The following PCM1 variants were observed in gnomAD, a reference collection of about 807,000 sequenced individuals.
PCM1 encodes the protein pericentriolar material 1 protein.
Under a neutral mutation model 241.9 loss-of-function variants are expected in PCM1, and 157 were observed. That is an observed-to-expected ratio of 0.65 (90% CI 0.57 to 0.74). The LOEUF (loss-of-function observed/expected upper bound fraction) is 0.74. Ranked by LOEUF, PCM1 falls within the 30% of genes least tolerant of loss-of-function variation. The pLI, the probability that PCM1 is intolerant of heterozygous loss-of-function variation, is 0.00. For missense variants in PCM1, 3,478 were observed against 2,360.1 expected, an observed-to-expected ratio of 1.47 and a Z score of -9.81; for synonymous variants, 1,085 against 784.9, an observed-to-expected ratio of 1.38 and a Z score of -6.39.
intron 25 of PCM1, 41 bp downstream of exon 25, chr8:17,985,660 C>T: frequency 3.5e-6 from 5 of 1,436,532 alleles, no homozygotes; most frequent in Non-Finnish European, 4.8e-6. Context: ...CCTATTATCA[C>T]CTTCTTCATG....
rs375582106 is a variant in PCM1 at position 17,989,778 on chromosome 8, ATACT to A, written c.4411-78_4411-75del. On this transcript the variant is annotated intron_variant, in intron 26 of 38. Coordinates refer to ENST00000325083, the MANE Select transcript of PCM1 (RefSeq NM_006197.4). Reference sequence around the variant, plus strand: ...CTTTTAAGTGTACAATTTTATGTAAATACTTAGTTATCTCTGTTAGATTATTAAT... The same window carrying A: ...CTTTTAAGTGTACAATTTTATGTAAATAGTTATCTCTGTTAGATTATTAAT... The A allele has an allele frequency of 7.5e-4, 725 of 967,298 alleles. 3 individuals are homozygous for A. The African/African-American group carries it at 9.1e-3, about 12-fold the overall frequency. The allele number at this position is 967,298 out of a possible 1,614,324, so 59.9% of individuals were successfully genotyped here. A position where few individuals can be genotyped will look rare whatever the true frequency, so the allele number is the denominator to read the frequency against.
intron 6 of PCM1, among the ~76,000 whole-genome samples, chr8:17,946,831 C>CTG (rs1563787560): frequency 9.3e-6 from 1 of 107,396 alleles, no homozygotes; most frequent in African/African-American, 4.8e-5. Flanking sequence ...CTAGATTCTT[C>CTG]AGTGTGTGTG....
chr8:17,977,387 TAG>T (rs1019272708), intron 23 of PCM1, among the ~76,000 whole-genome samples: 1 of 152,116 alleles, frequency 6.6e-6, no homozygotes, highest in African/African-American at 2.4e-5. Flanking sequence ...GCCTTGGAAA[TAG>T]AGAGGGAGGG....
intron 36 of PCM1, among the ~76,000 whole-genome samples, chr8:18,017,895 A>G (rs2093375146): frequency 6.6e-6 from 1 of 152,172 alleles, no homozygotes; most frequent in Non-Finnish European, 1.5e-5. Context: ...GAAGACAATA[A>G]TCAACACCAA....
rs369877254 is a variant in PCM1 at position 17,993,656 on chromosome 8, A to G, written c.4827+37A>G. ...TTTTAAAAAATAAACGAAACCTTCT[A>G]TGTTTTGTTTTTTAATTCATACAGA... On this transcript the variant is annotated intron_variant, in intron 29 of 38. Transcript: ENST00000325083. The G allele has an allele frequency of 1.8e-4, 274 of 1,527,062 alleles. 1 individual carries two copies. In the African/African-American group the frequency reaches 3.0e-3, roughly 17 times the overall value. The allele number at this position is 1,527,062 out of a possible 1,614,324, so 94.6% of individuals were successfully genotyped here. A position where few individuals can be genotyped will look rare whatever the true frequency, so the allele number is the denominator to read the frequency against.
chr8:17,958,564 A>G (rs2069895120), intron 13 of PCM1, among the ~76,000 whole-genome samples: 2 of 152,168 alleles, frequency 1.3e-5, no homozygotes, highest in South Asian at 4.1e-4. Context: ...ACACATTTAT[A>G]AAGGTGTTGT....
At position 18,006,348 on chromosome 8, in the gene PCM1, G is replaced by T; in HGVS notation, c.4913G>T (p.Ser1638Ile). 6.2e-7 allele frequency: 1 copy of T among 1,613,016 alleles called. No homozygotes were observed. Among genetic ancestry groups the T allele is most frequent in the Non-Finnish European group, 8.5e-7 (1 of 1,179,148 alleles). Residue 1638 changes from serine (S) to isoleucine (I), a missense_variant, in exon 30 of 39, where the codon AGC becomes ATC. Physicochemically the swap from Ser to Ile is moderately radical, Grantham distance 142 (BLOSUM62 -2). Transcript: ENST00000325083. ...ACCCTTACCCAGCAAAATGATGAGA[G>T]CAAAGAGTTTGTAAAGTTCTTTCAT... The part of the protein sequence containing the change: ...VLTLTQQNDE[S>I]KEFVKFFHKQ...
At chr8:17,925,889 A>G (rs1182362989) in intron 2 of PCM1, 3 of 152,254 alleles carry the variant, frequency 2.0e-5, no homozygotes. Flanking sequence ...TTTCTACAAA[A>G]GCAGACAGAT....
At chr8:17,986,991 G>C (rs1275735168) in intron 26 of PCM1, among the ~76,000 whole-genome samples, 4 of 151,710 alleles carry the variant, frequency 2.6e-5, no homozygotes, top group Non-Finnish European at 5.9e-5. Flanking sequence ...TAATTTCTGA[G>C]TTTTTCTGAA....
intron 26 of PCM1, among the ~76,000 whole-genome samples, chr8:17,987,202 A>G (rs1214594026): frequency 6.6e-6 from 1 of 151,920 alleles, no homozygotes; most frequent in Non-Finnish European, 1.5e-5. Context: ...TTGGATTGTT[A>G]TAACTAATTG....
intron 36 of PCM1, among the ~76,000 whole-genome samples, chr8:18,015,465 T>G (rs2093048656): frequency 1.3e-5 from 2 of 152,208 alleles, no homozygotes; most frequent in African/African-American, 4.8e-5. Context: ...CAGCCTGTCA[T>G]AAGTAGCCCC....
At chr8:18,027,073 A>G (rs1174999122) in intron 38 of PCM1, among the ~76,000 whole-genome samples, 1 of 152,170 alleles carries the variant, frequency 6.6e-6, no homozygotes, top group East Asian at 1.9e-4. Context: ...GTTGTTCTCC[A>G]TCAGTTCATC....
chr8:18,027,377 A>T (rs571780536), intron 38 of PCM1, among the ~76,000 whole-genome samples: 44 of 151,860 alleles, frequency 2.9e-4, no homozygotes, highest in African/African-American at 1.0e-3. Flanking sequence ...GATTTATTCT[A>T]TTCTATAGTT....
At chr8:18,012,187 C>T (rs139153600) in intron 34 of PCM1, among the ~76,000 whole-genome samples, 8 of 152,278 alleles carry the variant, frequency 5.3e-5, no homozygotes, top group Non-Finnish European at 8.8e-5. Context: ...AAATTATACA[C>T]TGTTTTTAGT....
At chr8:17,942,140 C>T (rs1419557607) in intron 6 of PCM1, among the ~76,000 whole-genome samples, 1 of 151,982 alleles carries the variant, frequency 6.6e-6, no homozygotes, top group Non-Finnish European at 1.5e-5. Context: ...GTTCTTAAAC[C>T]TTGACCATCA....
chr8:17,958,625 C>G (rs977056885), intron 13 of PCM1, among the ~76,000 whole-genome samples: 1 of 151,916 alleles, frequency 6.6e-6, no homozygotes, highest in South Asian at 2.1e-4. Context: ...TGAAAAACCT[C>G]AAGTTTTATT....
Position 17,966,477 on chromosome 8 carries a change from A to T in PCM1, c.3221+4A>T, listed in dbSNP as rs772738120. 1 of 1,612,892 alleles carries T rather than the reference A, an allele frequency of 6.2e-7. No homozygotes were observed. The highest frequency in any genetic ancestry group is 2.2e-5 in the East Asian group (1 of 44,860). On this transcript the variant is annotated splice_donor_region_variant and intron_variant, in intron 20 of 38. Transcript: ENST00000325083. ...GGCAACAGAATAATGTTCAGAGGTA[A>T]TCTGTTTCTTAGAAGTATTGAGACT...
intron 19 of PCM1, 26 bp from the exon 20 acceptor site, chr8:17,966,302 T>C: frequency 6.2e-7 from 1 of 1,611,960 alleles, no homozygotes; most frequent in Non-Finnish European, 8.5e-7. Flanking sequence ...CATCAGTAAC[T>C]ATTAACAAAC....
chr8:17,949,531 C>G (rs191952036), intron 7 of PCM1, among the ~76,000 whole-genome samples: 1 of 66,546 alleles, frequency 1.5e-5, no homozygotes, highest in African/African-American at 6.1e-5. Context: ...GGATCTTGCT[C>G]TGTCACCCAG....
Sources: allele counts gnomAD v4.1 joint callset (sites outside exome capture counted in the v4.1 genomes callset), GRCh38; gene constraint gnomAD v4.1.1; transcripts MANE v1.5; gene names NCBI Gene and HGNC (gene_info 2026-07-23, HGNC 2026-07-21).